The following GLP2R variants were observed in gnomAD, a reference collection of about 807,000 sequenced individuals.
GLP2R encodes glucagon like peptide 2 receptor, also known as glucagon-like peptide 2 receptor.
A neutral mutation model predicts 68.2 loss-of-function variants in GLP2R; 59 were observed. That is an observed-to-expected ratio of 0.87 (90% confidence interval 0.70 to 1.07). GLP2R has a LOEUF of 1.07. Ranked by LOEUF, GLP2R falls within the 50% of genes least tolerant of loss-of-function variation. The pLI is 0.00. For synonymous variants in GLP2R, 270 were observed against 265.4 expected, an observed-to-expected ratio of 1.02 and a Z score of -0.17; for missense variants, 548 against 677.4, an observed-to-expected ratio of 0.81 and a Z score of 2.12.
intron 3 of GLP2R, among the ~76,000 whole-genome samples, chr17:9,837,624 C>G (rs1400523991): frequency 6.6e-6 from 1 of 152,180 alleles, no homozygotes. Flanking sequence ...ACTTAGCTTG[C>G]TCTGATGCTG....
chr17:9,838,315 C>T (rs917855860), intron 3 of GLP2R, among the ~76,000 whole-genome samples: 2 of 152,212 alleles, frequency 1.3e-5, no homozygotes, highest in South Asian at 2.1e-4. Context: ...GTTGCTAATT[C>T]TGAAGGTCAC....
At chr17:9,833,169 C>G (rs2066695923) in intron 1 of GLP2R, among the ~76,000 whole-genome samples, 1 of 151,510 alleles carries the variant, frequency 6.6e-6, no homozygotes, top group Admixed American at 6.6e-5. Flanking sequence ...GAGGCTGAGG[C>G]AGGAGAATCG....
chr17:9,887,791 TC>T (rs2067256532), intron 11 of GLP2R, 140 bp from the exon 12 acceptor site: 4 of 738,604 alleles, frequency 5.4e-6, no homozygotes, highest in Non-Finnish European at 1.0e-5. Context: ...TATGACTAAT[TC>T]TAGTTAGTGT....
chr17:9,833,955 C>T, intron 2 of GLP2R, 61 bp downstream of exon 2: 1 of 1,028,124 alleles, frequency 9.7e-7, no homozygotes, highest in Non-Finnish European at 1.5e-6. Flanking sequence ...CTTAGCGGCT[C>T]AAAACAATAA....
At position 9,860,029 on chromosome 17, in the gene GLP2R, C is replaced by T; in HGVS notation, c.853C>T (p.Leu285Phe). The change falls in exon 7 of 13, where the codon CTC becomes TTC. Residue 285 changes from leucine to phenylalanine, a missense_variant. Transcript: ENST00000262441. Reference protein sequence around the residue: ...YLWLLVEGLYLHTLLEPTVLP... With the variant: ...YLWLLVEGLYFHTLLEPTVLP... ...ATGGCTGCTGGTTGAAGGCCTCTACCTCCACACGCTGCTGGAGCCCACAGT... is the reference window on the plus strand; with the variant it reads ...ATGGCTGCTGGTTGAAGGCCTCTACTTCCACACGCTGCTGGAGCCCACAGT... The T allele has an allele frequency of 6.2e-7, 1 of 1,613,750 alleles. No homozygotes were observed. Among genetic ancestry groups the T allele is most frequent in the African/African-American group, 1.3e-5 (1 of 74,992 alleles).
In GLP2R at chr17:9,825,948, A is replaced by T; in HGVS notation, c.-116A>T. On this transcript the variant is annotated 5_prime_UTR_variant, in exon 1 of 13. Transcript: ENST00000262441. Reference sequence around the variant, plus strand: ...CAGACACTCTCGGCGCAGCGTGGAGAGGATTTGTGCAAACATTTCCTCTGT... The same window carrying T: ...CAGACACTCTCGGCGCAGCGTGGAGTGGATTTGTGCAAACATTTCCTCTGT... 1 of 828,926 alleles carries T rather than the reference A, an allele frequency of 1.2e-6. No individual in the cohort carries two copies. The highest frequency in any genetic ancestry group is 1.9e-6 in the Non-Finnish European group (1 of 522,822). The allele number at this position is 828,926 out of a possible 1,614,324, so 51.3% of individuals were successfully genotyped here. A position where few individuals can be genotyped will look rare whatever the true frequency, so the allele number is the denominator to read the frequency against.
intron 5 of GLP2R, among the ~76,000 whole-genome samples, chr17:9,856,571 T>C (rs369419847): frequency 1.1e-4 from 17 of 152,012 alleles, no homozygotes; most frequent in African/African-American, 4.1e-4. Flanking sequence ...AAGGAAGAGG[T>C]GATGAGAGCT....
intron 9 of GLP2R, among the ~76,000 whole-genome samples, chr17:9,864,548 A>T (rs946937710): frequency 6.6e-6 from 1 of 151,328 alleles, no homozygotes. Flanking sequence ...TTTGAGACGG[A>T]GTCTTGCTTT....
chr17:9,878,828 C>T (rs1031771875), intron 10 of GLP2R, among the ~76,000 whole-genome samples: 2 of 152,140 alleles, frequency 1.3e-5, no homozygotes, highest in African/African-American at 4.8e-5. Flanking sequence ...TTAAGAAACT[C>T]CCCCATGAAC....
chr17:9,868,970 GATTACATTTACCTTGTATTTAAACTTTCT>G (rs1361965119), intron 9 of GLP2R, among the ~76,000 whole-genome samples: 2 of 152,150 alleles, frequency 1.3e-5, no homozygotes, highest in Non-Finnish European at 2.9e-5. Flanking sequence ...TACATTACTT[GATTACATTTACCTTGTATTTAAACTTTCT>G]GTTCCTAAAT....
intron 10 of GLP2R, among the ~76,000 whole-genome samples, chr17:9,876,793 A>G (rs546156646): frequency 1.3e-5 from 2 of 152,366 alleles, no homozygotes; most frequent in Non-Finnish European, 2.9e-5. Context: ...TAAAAATGTT[A>G]CAAATTCAAG....
At chr17:9,835,838 C>T (rs550881077) in intron 2 of GLP2R, among the ~76,000 whole-genome samples, 3 of 151,890 alleles carry the variant, frequency 2.0e-5, no homozygotes, top group South Asian at 2.1e-4. Context: ...GTCAGGAGTT[C>T]GAGACCAGCC....
At chr17:9,843,995 G>C (rs539821408) in intron 4 of GLP2R, among the ~76,000 whole-genome samples, 19 of 152,160 alleles carry the variant, frequency 1.2e-4, no homozygotes, top group Admixed American at 2.0e-4. Context: ...GGTCATGGAG[G>C]ATGGGGAAAC....
At chr17:9,874,878 A>G (rs1050414050) in intron 10 of GLP2R, among the ~76,000 whole-genome samples, 3 of 152,090 alleles carry the variant, frequency 2.0e-5, no homozygotes, top group Admixed American at 6.5e-5. Context: ...AAAAATCACT[A>G]TCTGCCCACA....
chr17:9,874,160 C>T (rs1054835353), intron 10 of GLP2R, among the ~76,000 whole-genome samples: 12 of 152,056 alleles, frequency 7.9e-5, no homozygotes, highest in Non-Finnish European at 1.2e-4. Flanking sequence ...ATAGATTGCC[C>T]GGCATAGCCC....
At chr17:9,854,394 G>A (rs919977199) in intron 4 of GLP2R, 101 bp from the exon 5 acceptor site, 5 of 730,832 alleles carry the variant, frequency 6.8e-6, no homozygotes, top group Non-Finnish European at 1.2e-5. Context: ...AAAATGTTGG[G>A]AGTCCATGCC....
At chr17:9,865,314 T>TTTTG (rs2067024731) in intron 9 of GLP2R, among the ~76,000 whole-genome samples, 1 of 118,248 alleles carries the variant, frequency 8.5e-6, no homozygotes, top group African/African-American at 3.8e-5. Context: ...CCTTGTGATT[T>TTTTG]TGTGTGTGTG....
intron 3 of GLP2R, among the ~76,000 whole-genome samples, chr17:9,836,680 T>C (rs997678545): frequency 1.3e-5 from 2 of 152,076 alleles, no homozygotes; most frequent in African/African-American, 4.8e-5. Context: ...GTGTATATAT[T>C]TGTGGGGTAC....
intron 1 of GLP2R, among the ~76,000 whole-genome samples, chr17:9,828,209 T>G (rs1231608116): frequency 4.6e-5 from 7 of 152,118 alleles, no homozygotes; most frequent in Non-Finnish European, 1.0e-4. Context: ...CCCTCATGGA[T>G]TGTAAATGTG....
Sources: gnomAD v4.1 joint callset for allele counts (sites outside exome capture counted in the v4.1 genomes callset) on GRCh38, gnomAD v4.1.1 for gene constraint, MANE v1.5 for transcripts, NCBI Gene and HGNC (gene_info 2026-07-23, HGNC 2026-07-21) for gene names.